Variants in EIF2AK4 observed in about 807,000 individuals in gnomAD.
The protein encoded by EIF2AK4 is eIF-2-alpha kinase GCN2.
EIF2AK4 carries 139 observed loss-of-function variants against 211.1 expected under a neutral mutation model. The ratio of observed to expected loss-of-function variants is 0.66; its 90% confidence interval spans 0.57 to 0.76. EIF2AK4 has a LOEUF of 0.76. Ranked by LOEUF, EIF2AK4 falls within the 30% of genes least tolerant of loss-of-function variation. The pLI is 0.00. For synonymous variants in EIF2AK4, 710 were observed against 751.3 expected (o/e 0.94, Z 0.90); for missense variants, 1,664 against 2,043.8 (o/e 0.81, Z 3.58).
At chr15:39,993,076 T>C (rs12917160) in intron 18 of EIF2AK4, among the ~76,000 whole-genome samples, 309 of 66,366 alleles carry the variant, frequency 4.7e-3, no homozygotes, top group African/African-American at 0.01. Context: ...ATCCATCCAT[T>C]CATCCATCCA....
chr15:40,022,718 T>G, intron 32 of EIF2AK4, 113 bp downstream of exon 32: 1 of 824,822 alleles, frequency 1.2e-6, no homozygotes, highest in Non-Finnish European at 1.9e-6. Context: ...TTCCCTCTAC[T>G]CTCCCTTTCC....
chr15:39,979,237 A>T (rs570964291), intron 13 of EIF2AK4, among the ~76,000 whole-genome samples: 1 of 152,340 alleles, frequency 6.6e-6, no homozygotes, highest in South Asian at 2.1e-4. Flanking sequence ...CATGGTGAAA[A>T]GAAAGCTTTG....
At chr15:39,980,114 A>G (rs2034760330) in intron 13 of EIF2AK4, among the ~76,000 whole-genome samples, 1 of 152,200 alleles carries the variant, frequency 6.6e-6, no homozygotes, top group Non-Finnish European at 1.5e-5. Flanking sequence ...TCATGACCCC[A>G]TCAAAACGAA....
In EIF2AK4 at chr15:39,961,808, T is replaced by C. The variant is rs1210071765; in HGVS notation, c.768T>C (p.Cys256=). The C allele has an allele frequency of 6.2e-7, 1 of 1,613,908 alleles. No homozygotes were observed. The highest frequency in any genetic ancestry group is 8.5e-7 in the Non-Finnish European group (1 of 1,179,766). The change falls in exon 7 of 39, where the codon TGT becomes TGC. Residue 256 remains cysteine (C), a synonymous_variant. Coordinates refer to ENST00000263791, the MANE Select transcript of EIF2AK4 (RefSeq NM_001013703.4). The part of the protein sequence containing the change: ...RSRRERQYSV[C]NSEDSPGSCE... ...GGCGAGAACGTCAGTATTCTGTATG[T>C]AATAGTGAAGATTCTCCTGGCTCTT...
At chr15:39,957,714 G>T (rs2034410504) in intron 6 of EIF2AK4, among the ~76,000 whole-genome samples, 1 of 152,208 alleles carries the variant, frequency 6.6e-6, no homozygotes, top group Admixed American at 6.5e-5. Context: ...CATGGTAGGT[G>T]CCTGGTCAAC....
At chr15:39,963,765 C>T (rs952711854) in intron 7 of EIF2AK4, among the ~76,000 whole-genome samples, 1 of 152,098 alleles carries the variant, frequency 6.6e-6, no homozygotes, top group Non-Finnish European at 1.5e-5. Context: ...TCAGTATATT[C>T]TTTTGTCCCT....
intron 13 of EIF2AK4, among the ~76,000 whole-genome samples, chr15:39,979,118 C>T (rs541891631): frequency 6.6e-6 from 1 of 152,296 alleles, no homozygotes; most frequent in Non-Finnish European, 1.5e-5. Flanking sequence ...ATACACTTCA[C>T]CTGTTAGTAT....
chr15:39,978,245 T>TA, intron 13 of EIF2AK4, 98 bp downstream of exon 13: 4 of 566,550 alleles, frequency 7.1e-6, no homozygotes, highest in Non-Finnish European at 1.2e-5. Context: ...TAATCTGATA[T>TA]TCAGATATAG....
chr15:39,951,686 G>T, intron 4 of EIF2AK4: 1 of 201,862 alleles, frequency 5.0e-6, no homozygotes, highest in Non-Finnish European at 1.1e-5. Flanking sequence ...TCCAGTAGAA[G>T]GTGCAGTCTT....
Position 39,953,944 on chromosome 15 carries a change from A to G in EIF2AK4, c.554A>G (p.Glu185Gly), listed in dbSNP as rs762356933. 6.2e-7 allele frequency: 1 copy of G among 1,609,184 alleles called. No homozygotes were observed. The highest frequency in any genetic ancestry group is 1.7e-4 in the Middle Eastern group (1 of 6,056). Residue 185 changes from glutamate (E) to glycine (G), a missense_variant, in exon 5 of 39, where the codon GAG (glutamate) becomes GGG (glycine). By Grantham distance (98) the Glu-to-Gly change is moderately conservative. Coordinates refer to ENST00000263791, the MANE Select transcript of EIF2AK4 (RefSeq NM_001013703.4). ...ILHEIQRRKE[E>G]IKEEKKRKEM... ...CATGAGATTCAGAGAAGGAAAGAAG[A>G]GATAAAAGAAGAGAAAAAAAGGAAA...
chr15:39,937,945 G>A (rs191000089), intron 1 of EIF2AK4, among the ~76,000 whole-genome samples: 1 of 152,328 alleles, frequency 6.6e-6, no homozygotes, highest in East Asian at 1.9e-4. Context: ...TGTATTTCAA[G>A]TCTCTTTTTT....
At chr15:39,952,123 C>T (rs1314532292) in intron 4 of EIF2AK4, among the ~76,000 whole-genome samples, 1 of 151,988 alleles carries the variant, frequency 6.6e-6, no homozygotes, top group East Asian at 1.9e-4. Context: ...AATTACTTTC[C>T]CATAGTCAAA....
intron 24 of EIF2AK4, 67 bp downstream of exon 24, chr15:40,007,132 A>G (rs1376960154): frequency 8.9e-6 from 12 of 1,352,868 alleles, no homozygotes; most frequent in Non-Finnish European, 1.2e-5. Flanking sequence ...GTCAACCAGG[A>G]AAGAATATTT....
rs368650997 is a variant in EIF2AK4, at chr15:40,035,028, G to A, written c.4894G>A (p.Val1632Met). The A allele has an allele frequency of 1.5e-5, 24 of 1,578,552 alleles. No homozygotes were observed. Among genetic ancestry groups the A allele is most frequent in the East Asian group, 2.2e-5 (1 of 44,582 alleles). Residue 1632 changes from valine to methionine, a missense_variant and splice_region_variant, in exon 39 of 39, where the codon GTG becomes ATG. Physicochemically the swap from Val to Met is conservative, Grantham distance 21 (BLOSUM62 1). Around this residue, in one of 7 missense-constraint regions of EIF2AK4, gnomAD observed 138 missense variants for 165.1 expected, o/e 0.84. Coordinates refer to ENST00000263791, the MANE Select transcript of EIF2AK4 (RefSeq NM_001013703.4). Reference sequence around the variant, plus strand: ...TATATCTTTTCTTTTCTTTTGCAGGGTGTCTGTGCTATTTCTGTACAGCTA... The same window carrying A: ...TATATCTTTTCTTTTCTTTTGCAGGATGTCTGTGCTATTTCTGTACAGCTA... ...EIYNIKVEKKVSVLFLYSYRD... is the reference protein window; with the variant it reads ...EIYNIKVEKKMSVLFLYSYRD...
chr15:39,942,848 C>T (rs770992276), intron 2 of EIF2AK4, among the ~76,000 whole-genome samples: 2 of 152,186 alleles, frequency 1.3e-5, no homozygotes, highest in Admixed American at 6.5e-5. Context: ...GGGCTCCACT[C>T]ATCTATTTAT....
chr15:39,944,557 GA>G, intron 3 of EIF2AK4, among the ~76,000 whole-genome samples: 1 of 149,304 alleles, frequency 6.7e-6, no homozygotes, highest in South Asian at 2.1e-4. Flanking sequence ...TCAGCCTCCC[GA>G]GTAGCTGGGA....
chr15:39,992,644 C>T, intron 17 of EIF2AK4, 125 bp from the exon 18 acceptor site: 1 of 756,762 alleles, frequency 1.3e-6, no homozygotes. Context: ...TGCTCTGCTT[C>T]CTGTGAGTGG....
At chr15:39,959,700 G>A (rs1286755729) in intron 6 of EIF2AK4, among the ~76,000 whole-genome samples, 1 of 152,228 alleles carries the variant, frequency 6.6e-6, no homozygotes, top group Non-Finnish European at 1.5e-5. Flanking sequence ...CAGAGCTGAT[G>A]TAGAGATGCT....
Position 39,934,340 on chromosome 15 carries a change from G to T in EIF2AK4, c.144+1G>T. On this transcript the variant is annotated splice_donor_variant, in intron 1 of 38. Transcript: ENST00000263791. LOFTEE classifies it high-confidence loss of function. ...CCTGCGGCCGGACGCTTGCGGACCG[G>T]TAGGAACGTGGCTTGTCAGGCCCGG... is the stretch of plus-strand genomic sequence containing the variant. 2 of 1,605,310 alleles carry T rather than the reference G, an allele frequency of 1.2e-6. No individual in the cohort carries two copies. Among genetic ancestry groups the T allele is most frequent in the Non-Finnish European group, 1.7e-6 (2 of 1,176,280 alleles).
Sources: allele counts gnomAD v4.1 joint callset (sites outside exome capture counted in the v4.1 genomes callset), GRCh38; gene constraint gnomAD v4.1.1; regional missense constraint gnomAD v4.1.1; transcripts MANE v1.5; gene names NCBI Gene and HGNC (gene_info 2026-07-23, HGNC 2026-07-21).